CDH12: variants seen among roughly 807,000 people sequenced by gnomAD.
CDH12 encodes cadherin-12.
In CDH12, 41 loss-of-function variants were observed where a neutral mutation model predicts 74.1. The observed-to-expected ratio is 0.55, with a 90% CI of 0.43 to 0.72. The LOEUF (loss-of-function observed/expected upper bound fraction) is 0.72, where lower values mean the gene tolerates loss of function less well. CDH12 is among the 30% of genes least tolerant of loss of function. The pLI, the probability that CDH12 is intolerant of heterozygous loss-of-function variation, is 0.00. For synonymous variants in CDH12, 399 were observed against 355.0 expected, an observed-to-expected ratio of 1.12 and a Z score of -1.39; for missense variants, 945 against 977.2, an observed-to-expected ratio of 0.97 and a Z score of 0.44.
chr5:22,343,571 C>T (rs1317589639), intron 3 of CDH12, among the ~76,000 whole-genome samples: 2 of 152,064 alleles, frequency 1.3e-5, no homozygotes, highest in Non-Finnish European at 1.5e-5. Flanking sequence ...GCTCCCGCCA[C>T]CACGCCCAGC....
At chr5:22,089,207 G>C (rs1010456768) in intron 4 of CDH12, among the ~76,000 whole-genome samples, 2 of 152,284 alleles carry the variant, frequency 1.3e-5, no homozygotes, top group African/African-American at 4.8e-5. Flanking sequence ...AATTCACTAA[G>C]AGATAAATGA....
At chr5:22,261,456 G>A (rs1753509076) in intron 3 of CDH12, among the ~76,000 whole-genome samples, 1 of 151,892 alleles carries the variant, frequency 6.6e-6, no homozygotes, top group South Asian at 2.1e-4. Flanking sequence ...CCAGATCACA[G>A]ATATTGCTAC....
intron 1 of CDH12, among the ~76,000 whole-genome samples, chr5:22,730,768 TA>T (rs1370381632): frequency 3.3e-5 from 5 of 151,790 alleles, no homozygotes; most frequent in Non-Finnish European, 7.4e-5. Context: ...ATGATTTTTT[TA>T]ATTTGGGTTA....
At chr5:22,465,929 C>A (rs955954299) in intron 2 of CDH12, among the ~76,000 whole-genome samples, 1 of 152,158 alleles carries the variant, frequency 6.6e-6, no homozygotes, top group Non-Finnish European at 1.5e-5. Context: ...TGAGGCAAAG[C>A]AGATTAATGT....
intron 1 of CDH12, among the ~76,000 whole-genome samples, chr5:22,692,908 T>C (rs1260594510): frequency 6.6e-6 from 1 of 152,236 alleles, no homozygotes; most frequent in Non-Finnish European, 1.5e-5. Flanking sequence ...CAAACAGATA[T>C]TTCACAACAG....
chr5:21,788,787 A>G (rs1746335351), intron 10 of CDH12, among the ~76,000 whole-genome samples: 1 of 152,070 alleles, frequency 6.6e-6, no homozygotes, highest in Non-Finnish European at 1.5e-5. Flanking sequence ...GGTACCATTA[A>G]GCCACAGACA....
At position 22,556,218 on chromosome 5, in the gene CDH12, C is replaced by T. The variant is rs1738797246; in HGVS notation, c.-522-50854G>A. On this transcript the variant is annotated intron_variant, in intron 1 of 14. Coordinates refer to ENST00000382254, the MANE Select transcript of CDH12 (RefSeq NM_004061.5). ...AAAAGCAGAAGGGGTAGTATATTAACACATAAAAGCAATTCTTTGGAAGGG... is the reference window on the plus strand; with the variant it reads ...AAAAGCAGAAGGGGTAGTATATTAATACATAAAAGCAATTCTTTGGAAGGG... 3.9e-5 allele frequency among the ~76,000 whole-genome samples: 6 copies of T among 152,022 alleles called. No individual in the cohort carries two copies. The South Asian group carries it at 1.2e-3, about 32-fold the overall frequency.
chr5:22,435,731 C>T (rs1236729312), intron 2 of CDH12, among the ~76,000 whole-genome samples: 1 of 152,042 alleles, frequency 6.6e-6, no homozygotes, highest in Non-Finnish European at 1.5e-5. Flanking sequence ...TTCTGACTTT[C>T]CTAAACTGCT....
intron 1 of CDH12, among the ~76,000 whole-genome samples, chr5:22,522,532 A>G (rs1737098892): frequency 6.6e-6 from 1 of 152,106 alleles, no homozygotes; most frequent in South Asian, 2.1e-4. Context: ...TTGTCCTCCA[A>G]ACTGAGATTT....
intron 3 of CDH12, among the ~76,000 whole-genome samples, chr5:22,232,968 C>T (rs949010953): frequency 3.3e-5 from 5 of 150,050 alleles, no homozygotes; most frequent in African/African-American, 4.9e-5. Flanking sequence ...ATATAATTGT[C>T]GGTCTATGTC....
At chr5:22,498,347 T>C (rs1228060538) in intron 2 of CDH12, among the ~76,000 whole-genome samples, 1 of 152,018 alleles carries the variant, frequency 6.6e-6, no homozygotes, top group Non-Finnish European at 1.5e-5. Context: ...ACCAACATGG[T>C]TAACAACATT....
At chr5:22,295,969 T>G (rs1206264965) in intron 3 of CDH12, among the ~76,000 whole-genome samples, 2 of 152,064 alleles carry the variant, frequency 1.3e-5, no homozygotes, top group African/African-American at 2.4e-5. Flanking sequence ...TGTACACATA[T>G]AATTTTATTA....
At chr5:22,347,127 G>A (rs1740149354) in intron 3 of CDH12, among the ~76,000 whole-genome samples, 1 of 152,180 alleles carries the variant, frequency 6.6e-6, no homozygotes, top group Non-Finnish European at 1.5e-5. Flanking sequence ...CTGTGACAGT[G>A]AATATTGATT....
At chr5:22,601,075 G>A (rs1736833995) in intron 1 of CDH12, among the ~76,000 whole-genome samples, 1 of 152,024 alleles carries the variant, frequency 6.6e-6, no homozygotes, top group African/African-American at 2.4e-5. Flanking sequence ...GGCAGATATT[G>A]TTAAGTGATA....
At chr5:22,236,206 G>A (rs1253110233) in intron 3 of CDH12, among the ~76,000 whole-genome samples, 1 of 152,106 alleles carries the variant, frequency 6.6e-6, no homozygotes, top group Non-Finnish European at 1.5e-5. Flanking sequence ...GTACATTTAG[G>A]CTATACTAAA....
intron 5 of CDH12, among the ~76,000 whole-genome samples, chr5:22,029,116 A>G (rs1428763768): frequency 1.3e-5 from 2 of 152,222 alleles, no homozygotes; most frequent in Admixed American, 6.5e-5. Flanking sequence ...TTATTTCAAG[A>G]TGGATTAAAG....
chr5:22,035,693 C>CT (rs1239740685), intron 5 of CDH12, among the ~76,000 whole-genome samples: 1 of 143,530 alleles, frequency 7.0e-6, no homozygotes, highest in Non-Finnish European at 1.5e-5. Flanking sequence ...TTTACTTCTT[C>CT]TTTTTTTACA....
chr5:21,929,546 C>A (rs1040263483), intron 6 of CDH12, among the ~76,000 whole-genome samples: 2 of 152,060 alleles, frequency 1.3e-5, no homozygotes, highest in African/African-American at 4.8e-5. Flanking sequence ...TTACCAGGGT[C>A]TTGCTCTGTC....
intron 1 of CDH12, among the ~76,000 whole-genome samples, chr5:22,525,466 G>T (rs1561467762): frequency 6.8e-6 from 1 of 146,804 alleles, no homozygotes; most frequent in Non-Finnish European, 1.5e-5. Flanking sequence ...GCTTTCTGGA[G>T]AGAGAGAGCA....
Sources: allele counts gnomAD v4.1 joint callset (sites outside exome capture counted in the v4.1 genomes callset), GRCh38; gene constraint gnomAD v4.1.1; transcripts MANE v1.5; gene names NCBI Gene and HGNC (gene_info 2026-07-23, HGNC 2026-07-21).